Variants in CDH24 observed in about 807,000 individuals in gnomAD.
CDH24 encodes the protein cadherin-24.
CDH24 carries 61 observed loss-of-function variants against 71.2 expected under a neutral mutation model. That is an observed-to-expected ratio of 0.86 (90% CI 0.70 to 1.06). The LOEUF (loss-of-function observed/expected upper bound fraction) is 1.06. Ranked by LOEUF, CDH24 falls within the 50% of genes least tolerant of loss-of-function variation. The probability of loss-of-function intolerance (pLI) is 0.00; values close to 1 mark genes in which losing one functional copy is unlikely to be tolerated. For missense variants in CDH24, 961 were observed against 1,083.7 expected, an observed-to-expected ratio of 0.89 and a Z score of 1.59; for synonymous variants, 440 against 470.2, an observed-to-expected ratio of 0.94 and a Z score of 0.83.
chr14:23,052,733 A>C (rs1014234818), intron 7 of CDH24, 124 bp from the exon 8 acceptor site: 17 of 1,002,000 alleles, frequency 1.7e-5, no homozygotes, highest in Non-Finnish European at 2.4e-5. Context: ...GTAGAGCCAT[A>C]ATTCAGGTTG....
Position 23,054,896 on chromosome 14 carries a change from A to T in CDH24, c.497-30T>A. The T allele has an allele frequency of 6.2e-7, 1 of 1,610,428 alleles. No homozygotes were observed. Among genetic ancestry groups the T allele is most frequent in the Non-Finnish European group, 8.5e-7 (1 of 1,179,422 alleles). On this transcript the variant is annotated intron_variant, in intron 3 of 12. Coordinates refer to ENST00000487137, the MANE Select transcript of CDH24 (RefSeq NM_144985.4). The surrounding 1 kb of genome is among the most constrained non-coding windows in gnomAD (Gnocchi z 5.2). ...GGGGGATGCCAGCACGCCATTCAGC[A>T]GCAGCAGGGAAGGATGGGGAAGAAC...
At chr14:23,048,973 C>G in intron 11 of CDH24, 54 bp downstream of exon 11, 1 of 1,569,480 alleles carries the variant, frequency 6.4e-7, no homozygotes, top group East Asian at 2.3e-5. Flanking sequence ...GGTTCTTCTC[C>G]ACACCCCTGC....
Position 23,050,159 on chromosome 14 carries a change from C to T in CDH24, c.1364-216G>A, listed in dbSNP as rs191940552. 2.3e-3 allele frequency: 1,285 copies of T among 564,924 alleles called. 6 individuals carry two copies. Among genetic ancestry groups the T allele is most frequent in the Middle Eastern group, 4.8e-3 (10 of 2,076 alleles). The allele number at this position is 564,924 out of a possible 1,614,324, so 35.0% of individuals were successfully genotyped here. Reference sequence around the variant, plus strand: ...ATTCATGTAGTACCCAAGATATGTGCGATACACAATAGACATTCAACAGGA... The same window carrying T: ...ATTCATGTAGTACCCAAGATATGTGTGATACACAATAGACATTCAACAGGA... On this transcript the variant is annotated intron_variant, in intron 8 of 12. Transcript: ENST00000487137.
At chr14:23,056,336 C>T (rs1451332576) in intron 1 of CDH24, among the ~76,000 whole-genome samples, 1 of 152,212 alleles carries the variant, frequency 6.6e-6, no homozygotes, top group African/African-American at 2.4e-5. Context: ...GGGGGAGCCC[C>T]ACTCTCCAGG....
At position 23,049,745 on chromosome 14, in the gene CDH24, G is replaced by T. The variant is rs201957516; in HGVS notation, c.1486-7C>A. ...CCCGGATGACCTGAATCAGCTGGGA[G>T]GAAGAAGAGAGAGGCCTTGTATGGA... On this transcript the variant is annotated splice_polypyrimidine_tract_variant and splice_region_variant and intron_variant, in intron 9 of 12. Transcript: ENST00000487137. 1 of 1,611,638 alleles carries T rather than the reference G, an allele frequency of 6.2e-7. No homozygotes were observed.
chr14:23,048,043 G>A lies in CDH24; in HGVS notation c.2283C>T (p.Asp761=). The change falls in exon 12 of 13, where the codon GAC becomes GAT. Residue 761 remains aspartate (D), a synonymous_variant. Transcript: ENST00000487137. Reference sequence around the variant, plus strand: ...CCAGGGTGCGGAAGAGCGGACCCCAGTCGTCCAGCGGCTCCGCGGGGCCGG... The same window carrying A: ...CCAGGGTGCGGAAGAGCGGACCCCAATCGTCCAGCGGCTCCGCGGGGCCGG... ...GAPGPAEPLD[D]WGPLFRTLAE... 6.9e-7 allele frequency: 1 copy of A among 1,448,188 alleles called. No individual in the cohort carries two copies. The highest frequency in any genetic ancestry group is 9.0e-7 in the Non-Finnish European group (1 of 1,105,610). 89.7% of individuals were successfully genotyped at this position (1,448,188 alleles called of 1,614,324 possible). A position where few individuals can be genotyped will look rare whatever the true frequency, so the allele number is the denominator to read the frequency against.
intron 10 of CDH24, 125 bp downstream of exon 10, chr14:23,049,502 C>T (rs959329265): frequency 7.1e-6 from 5 of 707,134 alleles, no homozygotes; most frequent in Admixed American, 2.7e-5. Context: ...CAAGTCCACA[C>T]CCATCTTCTG....
Position 23,048,060 on chromosome 14 carries a change from C to T in CDH24, c.2266G>A (p.Ala756Thr), listed in dbSNP as rs749339603. 6 of 1,440,030 alleles carry T rather than the reference C, an allele frequency of 4.2e-6. No homozygotes were observed. Among genetic ancestry groups the T allele is most frequent in the South Asian group, 1.3e-5 (1 of 74,560 alleles). The allele number at this position is 1,440,030 out of a possible 1,614,324, so 89.2% of individuals were successfully genotyped here. Residue 756 changes from alanine to threonine, a missense_variant, in exon 12 of 13, where the codon GCG becomes ACG. Physicochemically the swap from Ala to Thr is moderately conservative, Grantham distance 58 (BLOSUM62 0). Transcript: ENST00000487137. ...GGACCCCAGTCGTCCAGCGGCTCCG[C>T]GGGGCCGGGGGCGCCGCCGGCTTCG... ...GSEAGGAPGPAEPLDDWGPLF... is the reference protein window; with the variant it reads ...GSEAGGAPGPTEPLDDWGPLF...
Position 23,055,478 on chromosome 14 carries a change from A to G in CDH24, c.201+55T>C. On this transcript the variant is annotated intron_variant, in intron 2 of 12. Transcript: ENST00000487137. The surrounding 1 kb of genome is among the most constrained non-coding windows in gnomAD (Gnocchi z 4.1). ...GTCATTGCAGAAGTGATGAAGTTGC[A>G]GGGCAGGGCCTGAGGGCTTGGTGTC... is the stretch of plus-strand genomic sequence containing the variant. 1 of 1,599,278 alleles carries G rather than the reference A, an allele frequency of 6.3e-7. No individual in the cohort carries two copies.
chr14:23,053,901 G>T, intron 6 of CDH24, 152 bp from the exon 7 acceptor site: 1 of 885,302 alleles, frequency 1.1e-6, no homozygotes, highest in Non-Finnish European at 1.7e-6. Context: ...TGGCCTTGGT[G>T]GTCAGGATGC....
chr14:23,054,926 G>T lies in CDH24; in HGVS notation c.497-60C>A, dbSNP rs2047114975. 2 of 1,568,670 alleles carry T rather than the reference G, an allele frequency of 1.3e-6. No individual in the cohort carries two copies. Among genetic ancestry groups the T allele is most frequent in the Non-Finnish European group, 1.7e-6 (2 of 1,160,176 alleles). On this transcript the variant is annotated intron_variant, in intron 3 of 12. Transcript: ENST00000487137. The surrounding 1 kb of genome is among the most constrained non-coding windows in gnomAD (Gnocchi z 5.2). ...CAGGGAAGGATGGGGAAGAACAACC[G>T]ATGGGGGGGGATGCAGATACGAGGG...
intron 10 of CDH24, 145 bp from the exon 11 acceptor site, chr14:23,049,420 GCCAGCCCATAGGT>G (rs1260049869): frequency 2.7e-5 from 22 of 825,696 alleles, no homozygotes; most frequent in Middle Eastern, 3.6e-4. Flanking sequence ...TTCCCATAGA[GCCAGCCCATAGGT>G]CCAGCCCATA....
intron 11 of CDH24, 86 bp from the exon 12 acceptor site, chr14:23,048,565 G>T (rs907249511): frequency 1.4e-6 from 2 of 1,384,698 alleles, no homozygotes; most frequent in Non-Finnish European, 2.0e-6. Flanking sequence ...GACCCATCAG[G>T]TGACAGAAGC....
intron 9 of CDH24, 38 bp from the exon 10 acceptor site, chr14:23,049,776 C>T: frequency 6.2e-7 from 1 of 1,612,388 alleles, no homozygotes; most frequent in Non-Finnish European, 8.5e-7. Flanking sequence ...ATGGAGTGGG[C>T]TGCTGGAGGC....
Position 23,048,045 on chromosome 14 carries a change from C to A in CDH24, c.2281G>T (p.Asp761Tyr). 6.9e-7 allele frequency: 1 copy of A among 1,446,876 alleles called. No individual in the cohort carries two copies. Among genetic ancestry groups the A allele is most frequent in the South Asian group, 1.3e-5 (1 of 75,754 alleles). The allele number at this position is 1,446,876 out of a possible 1,614,324, so 89.6% of individuals were successfully genotyped here. A position where few individuals can be genotyped will look rare whatever the true frequency, so the allele number is the denominator to read the frequency against. Residue 761 changes from aspartate to tyrosine, a missense_variant, in exon 12 of 13, where the codon GAC becomes TAC. By Grantham distance (160) the Asp-to-Tyr change is radical. Around this residue, in one of 2 missense-constraint regions of CDH24, gnomAD observed 290 missense variants for 272.8 expected, o/e 1.06. Coordinates refer to ENST00000487137, the MANE Select transcript of CDH24 (RefSeq NM_144985.4). ...AGGGTGCGGAAGAGCGGACCCCAGT[C>A]GTCCAGCGGCTCCGCGGGGCCGGGG... is the stretch of plus-strand genomic sequence containing the variant. Reference protein sequence around the residue: ...GAPGPAEPLDDWGPLFRTLAE... With the variant: ...GAPGPAEPLDYWGPLFRTLAE...
In CDH24 at chr14:23,048,057, CCGCGGGGCCGGGGGCGCCGCCGGCTT is replaced by C; in HGVS notation, c.2243_2268del (p.Glu748GlyfsTer100). ...AGCGGACCCCAGTCGTCCAGCGGCT[CCGCGGGGCCGGGGGCGCCGCCGGCTT>C]CGCTGCCGGAGCCCAGGGAGCTGAG... On this transcript the variant is annotated frameshift_variant, in exon 12 of 13. Coordinates refer to ENST00000487137, the MANE Select transcript of CDH24 (RefSeq NM_144985.4). LOFTEE classifies it high-confidence loss of function. The C allele has an allele frequency of 6.9e-7, 1 of 1,442,496 alleles. No homozygotes were observed. The highest frequency in any genetic ancestry group is 9.1e-7 in the Non-Finnish European group (1 of 1,102,580). 89.4% of individuals were successfully genotyped at this position (1,442,496 alleles called of 1,614,324 possible).
rs2047069511 is a variant in CDH24 at position 23,049,636 on chromosome 14, C to A, written c.1588G>T (p.Asp530Tyr). ...GTAGGAGGCCACCTACCTCGGTTGT[C>A]CTGGACAGTAAAGTTGGCATCAGGG... ...LGPDANFTVQ[D>Y]NRDGSASLLL... Residue 530 changes from aspartate (D) to tyrosine (Y), a missense_variant, in exon 10 of 13, where the codon GAC becomes TAC. Asp to Tyr is a radical substitution (Grantham distance 160). This residue lies in a region of CDH24 where 671 missense variants were observed against 810.9 expected (regional missense o/e 0.83). Transcript: ENST00000487137. The A allele has an allele frequency of 1.3e-6, 2 of 1,562,362 alleles. No homozygotes were observed. The highest frequency in any genetic ancestry group is 8.7e-7 in the Non-Finnish European group (1 of 1,150,116).
At position 23,055,298 on chromosome 14, in the gene CDH24, TC is replaced by T. The variant is rs770812492; in HGVS notation, c.256del (p.Glu86ArgfsTer8). 3 of 1,611,538 alleles carry T rather than the reference TC, an allele frequency of 1.9e-6. No individual in the cohort carries two copies. On this transcript the variant is annotated frameshift_variant, in exon 3 of 13. Transcript: ENST00000487137. LOFTEE classifies it high-confidence loss of function. This position sits in a 1 kb window ranked among gnomAD's most constrained non-coding sequence, Gnocchi z 4.1. ...EGRTKYLLTG[E>X]GAGTVFVIDE... ...AATCACAAATACGGTGCCTGCCCCC[TC>T]CCCGGTCAACAGGTACTTGGTGCGG...
chr14:23,053,998 A>G, intron 6 of CDH24, 143 bp downstream of exon 6: 1 of 949,824 alleles, frequency 1.1e-6, no homozygotes, highest in Non-Finnish European at 1.5e-6. Flanking sequence ...CCAGGGCCTC[A>G]TCTGAAGGAT....
Sources: allele counts gnomAD v4.1 joint callset (sites outside exome capture counted in the v4.1 genomes callset), GRCh38; gene constraint gnomAD v4.1.1; regional missense constraint gnomAD v4.1.1; non-coding constraint Gnocchi (gnomAD v3.1); transcripts MANE v1.5; gene names NCBI Gene and HGNC (gene_info 2026-07-23, HGNC 2026-07-21).